The following VWA5B2 variants were observed in gnomAD, a reference collection of about 807,000 sequenced individuals.
VWA5B2 encodes the protein von Willebrand factor A domain containing 5B2.
In VWA5B2, 93 loss-of-function variants were observed where a neutral mutation model predicts 118.5. That is an observed-to-expected ratio of 0.79 (90% CI 0.66 to 0.93). The LOEUF (loss-of-function observed/expected upper bound fraction) is 0.93, where lower values mean the gene tolerates loss of function less well. Ranked by LOEUF, VWA5B2 falls within the 40% of genes least tolerant of loss-of-function variation. The pLI, the probability that VWA5B2 is intolerant of heterozygous loss-of-function variation, is 0.00. For missense variants in VWA5B2, 1,546 were observed against 1,672.8 expected, an observed-to-expected ratio of 0.92 and a Z score of 1.32; for synonymous variants, 708 against 716.3, an observed-to-expected ratio of 0.99 and a Z score of 0.19.
intron 1 of VWA5B2, 43 bp from the exon 2 acceptor site, chr3:184,230,337 C>G (rs1439919944): frequency 1.6e-6 from 1 of 620,196 alleles, no homozygotes; most frequent in Admixed American, 4.4e-5. Flanking sequence ...CTCGCCACCA[C>G]GCCTGCCGCC....
chr3:184,230,257 G>A (rs889338328), intron 1 of VWA5B2, among the ~76,000 whole-genome samples, 123 bp from the exon 2 acceptor site: 1 of 152,192 alleles, frequency 6.6e-6, no homozygotes, highest in African/African-American at 2.4e-5. Flanking sequence ...GGACTGCTGG[G>A]CGCCGAAGCG....
chr3:184,237,207 C>G lies in VWA5B2; in HGVS notation c.1534-19C>G. ...CACCTCTTTCCTTCCCATGTCTTCCCTGTGGCCACTCCCCACAGCTGGTAC... is the reference window on the plus strand; with the variant it reads ...CACCTCTTTCCTTCCCATGTCTTCCGTGTGGCCACTCCCCACAGCTGGTAC... On this transcript the variant is annotated intron_variant, in intron 11 of 19. Coordinates refer to ENST00000691901, the MANE Select transcript of VWA5B2 (RefSeq NM_001390846.1). This position sits in a 1 kb window ranked among gnomAD's most constrained non-coding sequence, Gnocchi z 5.6. 1.3e-6 allele frequency: 2 copies of G among 1,548,064 alleles called. No homozygotes were observed. Among genetic ancestry groups the G allele is most frequent in the Non-Finnish European group, 1.7e-6 (2 of 1,144,474 alleles).
chr3:184,238,698 C>T lies in VWA5B2; in HGVS notation c.2027C>T (p.Pro676Leu), dbSNP rs1264730678. Residue 676 changes from proline (P) to leucine (L), a missense_variant, in exon 14 of 20, where the codon CCA becomes CTA. Transcript: ENST00000691901. The surrounding 1 kb of genome is among the most constrained non-coding windows in gnomAD (Gnocchi z 5.0). ...ACCCACTGCTCTGCCAGCCCCGAGC[C>T]AGGCCCAGGCTCCACAGGCAGCAGT... ...VLTHCSASPE[P>L]GPGSTGSSES... 6.4e-7 allele frequency: 1 copy of T among 1,551,270 alleles called. No individual in the cohort carries two copies. The highest frequency in any genetic ancestry group is 8.7e-7 in the Non-Finnish European group (1 of 1,147,024).
In VWA5B2 at chr3:184,241,060, A is replaced by T; in HGVS notation, c.2915A>T (p.His972Leu). The change falls in exon 18 of 20, where the codon CAC (histidine) becomes CTC (leucine). Residue 972 changes from histidine (H) to leucine (L), a missense_variant. Physicochemically the swap from His to Leu is moderately conservative, Grantham distance 99. Coordinates refer to ENST00000691901, the MANE Select transcript of VWA5B2 (RefSeq NM_001390846.1). This position sits in a 1 kb window ranked among gnomAD's most constrained non-coding sequence, Gnocchi z 5.1. ...CCCCCAGGAACCCCTCCTGCCTCTC[A>T]CAGCCATCTAGATGCAGCTCCTCTG... Reference protein sequence around the residue: ...AEPPGTPPASHSHLDAAPLPT... With the variant: ...AEPPGTPPASLSHLDAAPLPT... 6.4e-7 allele frequency: 1 copy of T among 1,551,540 alleles called. No homozygotes were observed. The highest frequency in any genetic ancestry group is 8.7e-7 in the Non-Finnish European group (1 of 1,146,952).
In VWA5B2 at chr3:184,234,350, A is replaced by C; in HGVS notation, c.773A>C (p.Glu258Ala). 2.6e-6 allele frequency: 4 copies of C among 1,551,722 alleles called. No individual in the cohort carries two copies. Among genetic ancestry groups the C allele is most frequent in the Non-Finnish European group, 2.6e-6 (3 of 1,146,994 alleles). ...SAATICVTLA[E>A]GHHCDRALEI... is the part of the protein sequence containing the mutation. The stretch of plus-strand genomic sequence containing the variant: ...GCCACCATCTGTGTCACACTGGCAG[A>C]GGGCCACCACTGTGACCGGGCCTTG... The change falls in exon 6 of 20, where the codon GAG (glutamate) becomes GCG (alanine). Residue 258 changes from glutamate (E) to alanine (A), a missense_variant. By Grantham distance (107) the Glu-to-Ala change is moderately radical. This residue lies in a region of VWA5B2 where 775 missense variants were observed against 882.3 expected (regional missense o/e 0.88). Coordinates refer to ENST00000691901, the MANE Select transcript of VWA5B2 (RefSeq NM_001390846.1).
chr3:184,240,866 C>A lies in VWA5B2; in HGVS notation c.2816C>A (p.Pro939His), dbSNP rs1718524018. 6.4e-7 allele frequency: 1 copy of A among 1,551,582 alleles called. No individual in the cohort carries two copies. Among genetic ancestry groups the A allele is most frequent in the Admixed American group, 2.0e-5 (1 of 50,984 alleles). ...TCTGCCCCCTCCTGCTTCACTTGCC[C>A]TGTAGCTGTGGATGCTACTACTAGG... is the stretch of plus-strand genomic sequence containing the variant. Reference protein sequence around the residue: ...VSSAPSCFTCPVAVDATTREV... With the variant: ...VSSAPSCFTCHVAVDATTREV... Residue 939 changes from proline (P) to histidine (H), a missense_variant, in exon 17 of 20, where the codon CCT becomes CAT. Around this residue, in one of 3 missense-constraint regions of VWA5B2, gnomAD observed 763 missense variants for 766.6 expected, o/e 1.00. Transcript: ENST00000691901.
rs1487963472 is a variant in VWA5B2, at chr3:184,236,394, G to A, written c.1264G>A (p.Gly422Arg). 1.3e-6 allele frequency: 2 copies of A among 1,546,194 alleles called. No individual in the cohort carries two copies. Among genetic ancestry groups the A allele is most frequent in the South Asian group, 2.4e-5 (2 of 83,988 alleles). ...ESIETLQVPS[G>R]PPDVLAALDW... ...CATTGAGACCCTGCAGGTTCCGAGT[G>A]GGCCCCCAGACGTGCTGGCTGCTCT... Residue 422 changes from glycine (G) to arginine (R), a missense_variant, in exon 10 of 20, where the codon GGG (glycine) becomes AGG (arginine). By Grantham distance (125) the Gly-to-Arg change is moderately radical (BLOSUM62 -2). Coordinates refer to ENST00000691901, the MANE Select transcript of VWA5B2 (RefSeq NM_001390846.1).
Position 184,238,766 on chromosome 3 carries a change from G to A in VWA5B2, c.2095G>A (p.Ala699Thr), listed in dbSNP as rs2108430763. 1.3e-6 allele frequency: 2 copies of A among 1,550,608 alleles called. No homozygotes were observed. The highest frequency in any genetic ancestry group is 1.2e-5 in the South Asian group (1 of 84,052). ...GGGCCCTGGCTCCCCCGAAGGTAGTGCTCCCTTGGAGCCCCCTTCTCAGCA... is the reference window on the plus strand; with the variant it reads ...GGGCCCTGGCTCCCCCGAAGGTAGTACTCCCTTGGAGCCCCCTTCTCAGCA... ...SQGPGSPEGS[A>T]PLEPPSQQGC... is the part of the protein sequence containing the mutation. The change falls in exon 14 of 20, where the codon GCT (alanine) becomes ACT (threonine). Residue 699 changes from alanine (A) to threonine (T), a missense_variant. This residue lies in a region of VWA5B2 where 763 missense variants were observed against 766.6 expected (regional missense o/e 1.00). Transcript: ENST00000691901. This position sits in a 1 kb window ranked among gnomAD's most constrained non-coding sequence, Gnocchi z 5.0.
rs943668446 is a variant in VWA5B2, at chr3:184,233,647, G to T, written c.602G>T (p.Arg201Leu). 2.6e-6 allele frequency: 4 copies of T among 1,551,166 alleles called. No homozygotes were observed. The African/African-American group carries it at 5.5e-5, about 21-fold the overall frequency. ...GLAWEELAAPRDVFSGPARCP... is the reference protein window; with the variant it reads ...GLAWEELAAPLDVFSGPARCP... ...GCCTGGGAGGAGCTGGCTGCCCCTC[G>T]GGACGTGTTCTCAGGCCCTGCCCGC... The change falls in exon 5 of 20, where the codon CGG becomes CTG. Residue 201 changes from arginine to leucine, a missense_variant. Physicochemically the swap from Arg to Leu is moderately radical, Grantham distance 102. Coordinates refer to ENST00000691901, the MANE Select transcript of VWA5B2 (RefSeq NM_001390846.1). The surrounding 1 kb of genome is among the most constrained non-coding windows in gnomAD (Gnocchi z 5.2).
intron 16 of VWA5B2, 40 bp from the exon 17 acceptor site, chr3:184,240,751 G>A (rs1231266450): frequency 1.3e-6 from 2 of 1,546,040 alleles, no homozygotes; most frequent in South Asian, 2.4e-5. Context: ...TGTAGAGGGT[G>A]GGTGGTGGGG....
chr3:184,236,220 G>C lies in VWA5B2; in HGVS notation c.1170G>C (p.Thr390=). ...QTLINLAVFG[T]LVQPLFPESR... Reference sequence around the variant, plus strand: ...TTATCAACCTGGCCGTGTTTGGGACGTTGGTGCAGCCACTCTTCCCAGAGA... The same window carrying C: ...TTATCAACCTGGCCGTGTTTGGGACCTTGGTGCAGCCACTCTTCCCAGAGA... The change falls in exon 9 of 20, where the codon ACG becomes ACC. Residue 390 remains threonine, a synonymous_variant. Coordinates refer to ENST00000691901, the MANE Select transcript of VWA5B2 (RefSeq NM_001390846.1). The C allele has an allele frequency of 1.9e-6, 3 of 1,551,776 alleles. No individual in the cohort carries two copies. Among genetic ancestry groups the C allele is most frequent in the Non-Finnish European group, 1.7e-6 (2 of 1,147,012 alleles).
In VWA5B2 at chr3:184,242,083, C is replaced by G; in HGVS notation, c.*45C>G. 1 of 1,538,696 alleles carries G rather than the reference C, an allele frequency of 6.5e-7. No homozygotes were observed. Among genetic ancestry groups the G allele is most frequent in the Non-Finnish European group, 8.7e-7 (1 of 1,144,710 alleles). ...GGGCTGGCGCCCCACCCAACACACT[C>G]AAGTCACTGCCGCCCAGGGCTGGCC... On this transcript the variant is annotated 3_prime_UTR_variant, in exon 20 of 20. Coordinates refer to ENST00000691901, the MANE Select transcript of VWA5B2 (RefSeq NM_001390846.1).
rs1717662270 is a variant in VWA5B2, at chr3:184,233,756, C to A, written c.688+23C>A. ...CAGGTGGGTGCATCTGGCTGGCCTG[C>A]CCTCTTTTCAGATGCCCACTCCACC... On this transcript the variant is annotated intron_variant, in intron 5 of 19. Coordinates refer to ENST00000691901, the MANE Select transcript of VWA5B2 (RefSeq NM_001390846.1). The surrounding 1 kb of genome is among the most constrained non-coding windows in gnomAD (Gnocchi z 5.2). 6.5e-7 allele frequency: 1 copy of A among 1,547,986 alleles called. No homozygotes were observed. Among genetic ancestry groups the A allele is most frequent in the East Asian group, 2.4e-5 (1 of 40,902 alleles).
Position 184,230,392 on chromosome 3 carries a change from G to A in VWA5B2, c.-137G>A, listed in dbSNP as rs925222803. The A allele has an allele frequency of 4.6e-6, 5 of 1,085,246 alleles. No homozygotes were observed. In the East Asian group the frequency reaches 1.3e-4, roughly 29 times the overall value. 67.2% of individuals were successfully genotyped at this position (1,085,246 alleles called of 1,614,324 possible). A position where few individuals can be genotyped will look rare whatever the true frequency, so the allele number is the denominator to read the frequency against. On this transcript the variant is annotated 5_prime_UTR_variant, in exon 2 of 20. Transcript: ENST00000691901. ...CTGTCGCCCTCAGGAGCTCCCGCTC[G>A]GCCTCGCGCCCCGGCAGGCCCCGTC...
Position 184,236,720 on chromosome 3 carries a change from C to T in VWA5B2, c.1504C>T (p.Leu502=). 1 of 1,547,810 alleles carries T rather than the reference C, an allele frequency of 6.5e-7. No homozygotes were observed. Residue 502 remains leucine, a synonymous_variant, in exon 11 of 20, where the codon CTG becomes TTG. Coordinates refer to ENST00000691901, the MANE Select transcript of VWA5B2 (RefSeq NM_001390846.1). Reference sequence around the variant, plus strand: ...CCTCAGCAGAGGCCAGGCCTACTTCCTGAGGCCTGGGCAGAGGCTGCAGCC... The same window carrying T: ...CCTCAGCAGAGGCCAGGCCTACTTCTTGAGGCCTGGGCAGAGGCTGCAGCC... ...SALSRGQAYF[L]RPGQRLQPML... is the part of the protein sequence containing the mutation.
rs1293101505 is a variant in VWA5B2 at position 184,240,568 on chromosome 3, T to C, written c.2741-223T>C. ...TGGGTGTTGTCCAGAGTGCTGAATT[T>C]CTGGGCAGCCAGGGGGCTCTTGCTC... is the stretch of plus-strand genomic sequence containing the variant. On this transcript the variant is annotated intron_variant, in intron 16 of 19. Coordinates refer to ENST00000691901, the MANE Select transcript of VWA5B2 (RefSeq NM_001390846.1). 2.0e-5 allele frequency: 12 copies of C among 608,240 alleles called. No homozygotes were observed. In the East Asian group the frequency reaches 3.4e-4, roughly 17 times the overall value. 37.7% of individuals were successfully genotyped at this position (608,240 alleles called of 1,614,324 possible).
chr3:184,233,068 G>A lies in VWA5B2; in HGVS notation c.311-110G>A, dbSNP rs779698528. On this transcript the variant is annotated intron_variant, in intron 3 of 19. Transcript: ENST00000691901. The surrounding 1 kb of genome is among the most constrained non-coding windows in gnomAD (Gnocchi z 5.2). The stretch of plus-strand genomic sequence containing the variant: ...CAATGCATTAGCCTAGTGCCAACAC[G>A]CAAAGTCCCCCTTGCCCAGGCTCCC... 5.2e-6 allele frequency: 5 copies of A among 959,546 alleles called. No individual in the cohort carries two copies. Among genetic ancestry groups the A allele is most frequent in the East Asian group, 2.6e-5 (1 of 37,748 alleles). 59.4% of individuals were successfully genotyped at this position (959,546 alleles called of 1,614,324 possible).
rs1352720438 is a variant in VWA5B2, at chr3:184,238,407, G to A, written c.1824G>A (p.Glu608=). ...SPGTEPTGTS[E]PLGTGTVSAE... ...GCACTGAGCCCACTGGCACCTCAGA[G>A]CCACTGGGAACAGGCACTGTCTCAG... Residue 608 remains glutamate (E), a synonymous_variant, in exon 13 of 20, where the codon GAG becomes GAA. Coordinates refer to ENST00000691901, the MANE Select transcript of VWA5B2 (RefSeq NM_001390846.1). This position sits in a 1 kb window ranked among gnomAD's most constrained non-coding sequence, Gnocchi z 5.0. 11 of 1,550,664 alleles carry A rather than the reference G, an allele frequency of 7.1e-6. No homozygotes were observed. The highest frequency in any genetic ancestry group is 9.6e-6 in the Non-Finnish European group (11 of 1,146,856).
chr3:184,237,572 G>A lies in VWA5B2; in HGVS notation c.1719+161G>A, dbSNP rs1170970398. On this transcript the variant is annotated intron_variant, in intron 12 of 19. Coordinates refer to ENST00000691901, the MANE Select transcript of VWA5B2 (RefSeq NM_001390846.1). The surrounding 1 kb of genome is among the most constrained non-coding windows in gnomAD (Gnocchi z 5.6). ...TAGGACTCCACAGAGATCACACTGG[G>A]CCCCCTAAGATGACCACACCCTGTC... is the stretch of plus-strand genomic sequence containing the variant. 2.0e-5 allele frequency among the ~76,000 whole-genome samples: 3 copies of A among 152,078 alleles called. No individual in the cohort carries two copies. Among genetic ancestry groups the A allele is most frequent in the African/African-American group, 4.8e-5 (2 of 41,390 alleles).
Sources: allele counts gnomAD v4.1 joint callset (sites outside exome capture counted in the v4.1 genomes callset), GRCh38; gene constraint gnomAD v4.1.1; regional missense constraint gnomAD v4.1.1; non-coding constraint Gnocchi (gnomAD v3.1); transcripts MANE v1.5; gene names NCBI Gene and HGNC (gene_info 2026-07-23, HGNC 2026-07-21).